Variants in ENOX1 observed in about 807,000 individuals in gnomAD.
The protein encoded by ENOX1 is ecto-NOX disulfide-thiol exchanger 1, also known as candidate growth-related and time keeping constitutive hydroquinone (NADH) oxidase.
In ENOX1, 42 loss-of-function variants were observed where a neutral mutation model predicts 82.5. That is an observed-to-expected ratio of 0.51 (90% CI 0.40 to 0.66). The LOEUF (loss-of-function observed/expected upper bound fraction) is 0.66, where lower values mean the gene tolerates loss of function less well. Ranked by LOEUF, ENOX1 falls within the 30% of genes least tolerant of loss-of-function variation. The probability of loss-of-function intolerance (pLI) is 0.00; values close to 1 mark genes in which losing one functional copy is unlikely to be tolerated. For synonymous variants in ENOX1, 271 were observed against 282.2 expected (o/e 0.96, Z 0.40); for missense variants, 608 against 811.6 (o/e 0.75, Z 3.05).
Position 43,623,128 on chromosome 13 carries a change from G to C in ENOX1, c.-219+44351C>G, listed in dbSNP as rs182806114. On this transcript the variant is annotated intron_variant, in intron 2 of 16. Transcript: ENST00000690772. ...ACCATGCCCCCCTCAACAGCCCCAC[G>C]TCTGTTTCCAGGCAGAGAGCAATAC... is the stretch of plus-strand genomic sequence containing the variant. Among the ~76,000 whole-genome samples, 3 of 152,036 alleles carry C rather than the reference G, an allele frequency of 2.0e-5. No individual in the cohort carries two copies. The South Asian group carries it at 6.2e-4, about 32-fold the overall frequency.
At chr13:43,406,523 C>T (rs1164171375) in intron 5 of ENOX1, among the ~76,000 whole-genome samples, 1 of 143,508 alleles carries the variant, frequency 7.0e-6, no homozygotes, top group African/African-American at 2.6e-5. Flanking sequence ...GACAGAGTCT[C>T]ACTCTGTCAC....
intron 7 of ENOX1, among the ~76,000 whole-genome samples, chr13:43,357,471 C>T (rs1038050830): frequency 5.3e-5 from 8 of 152,142 alleles, no homozygotes; most frequent in African/African-American, 1.9e-4. Flanking sequence ...AATGGGAAGA[C>T]ATAACAATAC....
intron 2 of ENOX1, among the ~76,000 whole-genome samples, chr13:43,565,270 T>C (rs2079868869): frequency 1.3e-5 from 2 of 152,178 alleles, no homozygotes; most frequent in African/African-American, 4.8e-5. Context: ...GAGCTTGATG[T>C]GTTCACAGAA....
At chr13:43,224,206 G>A in intron 15 of ENOX1, 68 bp from the exon 16 acceptor site, 1 of 1,272,456 alleles carries the variant, frequency 7.9e-7, no homozygotes, top group Non-Finnish European at 1.1e-6. Context: ...AAATAATGCT[G>A]TCTAATCCCA....
intron 2 of ENOX1, among the ~76,000 whole-genome samples, chr13:43,599,685 C>A (rs896380835): frequency 6.6e-6 from 1 of 151,758 alleles, no homozygotes; most frequent in South Asian, 2.1e-4. Context: ...TAGTAAGACA[C>A]CAGCCAGGGC....
chr13:43,590,248 A>G (rs2081185045), intron 2 of ENOX1, among the ~76,000 whole-genome samples: 1 of 152,226 alleles, frequency 6.6e-6, no homozygotes, highest in Admixed American at 6.5e-5. Flanking sequence ...CTCACTTGAA[A>G]AAAAGATTCA....
intron 2 of ENOX1, among the ~76,000 whole-genome samples, chr13:43,525,415 TC>T (rs1432702934): frequency 1.3e-5 from 2 of 152,150 alleles, no homozygotes; most frequent in Admixed American, 1.3e-4. Context: ...TTGCATCAAC[TC>T]AATTCAATTT....
chr13:43,482,746 G>C (rs4393469), intron 3 of ENOX1, among the ~76,000 whole-genome samples: 1 of 152,248 alleles, frequency 6.6e-6, no homozygotes, highest in East Asian at 1.9e-4. Flanking sequence ...AGTTCACGCA[G>C]AATCTTGCTT....
chr13:43,341,169 C>T (rs374061057), intron 9 of ENOX1, among the ~76,000 whole-genome samples: 8 of 152,052 alleles, frequency 5.3e-5, no homozygotes, highest in African/African-American at 1.7e-4. Flanking sequence ...TGGTGGCGGG[C>T]GCCTGTAGTC....
intron 1 of ENOX1, among the ~76,000 whole-genome samples, chr13:43,704,906 G>C (rs1415398407): frequency 6.6e-6 from 1 of 151,990 alleles, no homozygotes; most frequent in Non-Finnish European, 1.5e-5. Context: ...ATCACAGAAG[G>C]GCCATGAGTT....
intron 14 of ENOX1, among the ~76,000 whole-genome samples, chr13:43,257,686 G>A (rs939312900): frequency 2.6e-5 from 4 of 152,140 alleles, no homozygotes; most frequent in Non-Finnish European, 4.4e-5. Context: ...AGGGATAACA[G>A]TATTTATGCA....
chr13:43,420,333 C>T (rs183769471), intron 3 of ENOX1, among the ~76,000 whole-genome samples: 1 of 152,280 alleles, frequency 6.6e-6, no homozygotes, highest in Admixed American at 6.5e-5. Context: ...ATCAATCTTC[C>T]CACTGAGGAA....
At chr13:43,751,049 C>T (rs1281974248) in intron 1 of ENOX1, among the ~76,000 whole-genome samples, 1 of 152,164 alleles carries the variant, frequency 6.6e-6, no homozygotes, top group Non-Finnish European at 1.5e-5. Context: ...ACCTTACCTA[C>T]CTCTCTAGCT....
rs1404859709 is a variant in ENOX1, at chr13:43,506,070, G to A, written c.-218-21918C>T. Among the ~76,000 whole-genome samples the A allele has an allele frequency of 8.6e-5, 13 of 151,938 alleles. No homozygotes were observed. The East Asian group carries it at 1.7e-3, about 20-fold the overall frequency. On this transcript the variant is annotated intron_variant, in intron 2 of 16. Transcript: ENST00000690772. ...AAAGATCAGATAGTTGTAGATATGC[G>A]GCATTATTTCTGACGGCTCTGTTCT...
intron 1 of ENOX1, among the ~76,000 whole-genome samples, chr13:43,718,001 C>A (rs2088270640): frequency 6.6e-6 from 1 of 152,168 alleles, no homozygotes; most frequent in Admixed American, 6.5e-5. Flanking sequence ...TATAATAGAA[C>A]TTCCATTTGA....
intron 2 of ENOX1, among the ~76,000 whole-genome samples, chr13:43,634,044 G>GT (rs753313072): frequency 2.0e-5 from 3 of 152,072 alleles, no homozygotes; most frequent in Non-Finnish European, 4.4e-5. Flanking sequence ...TTGTGTGTCT[G>GT]TATGTTTATT....
chr13:43,652,147 C>A (rs570303752), intron 2 of ENOX1, among the ~76,000 whole-genome samples: 2 of 152,132 alleles, frequency 1.3e-5, no homozygotes, highest in East Asian at 3.9e-4. Context: ...TACCTTAGCA[C>A]CATTTGACTA....
chr13:43,738,729 T>C (rs1300009600), intron 1 of ENOX1, among the ~76,000 whole-genome samples: 1 of 26,312 alleles, frequency 3.8e-5, no homozygotes, highest in Non-Finnish European at 2.4e-4. Context: ...GATTTTTTTG[T>C]TCCCAAACTC....
chr13:43,705,756 C>T (rs533879732), intron 1 of ENOX1, among the ~76,000 whole-genome samples: 1 of 152,156 alleles, frequency 6.6e-6, no homozygotes, highest in East Asian at 1.9e-4. Context: ...AATTATAAAA[C>T]AACAGACCAA....
Sources: gnomAD v4.1 joint callset for allele counts (sites outside exome capture counted in the v4.1 genomes callset) on GRCh38, gnomAD v4.1.1 for gene constraint, MANE v1.5 for transcripts, NCBI Gene and HGNC (gene_info 2026-07-23, HGNC 2026-07-21) for gene names.